GPHN: variants seen among roughly 807,000 people sequenced by gnomAD.
GPHN encodes gephyrin.
A neutral mutation model predicts 95.5 loss-of-function variants in GPHN; 17 were observed. The observed-to-expected ratio is 0.18, with a 90% CI of 0.12 to 0.27. GPHN has a LOEUF of 0.27. Among genes scored for constraint, GPHN ranks in the 10% least tolerant of loss-of-function variants. GPHN has a pLI of 1.00. For synonymous variants in GPHN, 320 were observed against 322.5 expected (o/e 0.99, Z 0.08); for missense variants, 660 against 978.1 (o/e 0.67, Z 4.34).
At chr14:67,153,609 T>C (rs745517636) in intron 18 of GPHN, among the ~76,000 whole-genome samples, 4 of 152,196 alleles carry the variant, frequency 2.6e-5, no homozygotes, top group Non-Finnish European at 5.9e-5. Context: ...GTCCATTGCA[T>C]TTACTCTCAG....
chr14:67,207,157 T>C, the GPHN span, among the ~76,000 whole-genome samples: 1 of 152,138 alleles, frequency 6.6e-6, no homozygotes, highest in Non-Finnish European at 1.5e-5. Flanking sequence ...CATTGTTGCA[T>C]TGCTATAAAG....
chr14:67,302,104 C>G, the GPHN span: 4 of 1,601,038 alleles, frequency 2.5e-6, no homozygotes, highest in Non-Finnish European at 3.4e-6. Flanking sequence ...AGAAAAGGCT[C>G]GTGATATTCC....
intron 1 of GPHN, among the ~76,000 whole-genome samples, chr14:66,602,582 C>T (rs2062306348): frequency 6.6e-6 from 1 of 151,884 alleles, no homozygotes; most frequent in Non-Finnish European, 1.5e-5. Flanking sequence ...TCATCAGTTA[C>T]TTAGATCTTC....
the GPHN span, among the ~76,000 whole-genome samples, chr14:67,542,530 T>C: frequency 6.6e-6 from 1 of 152,106 alleles, no homozygotes; most frequent in African/African-American, 2.4e-5. Flanking sequence ...CTAAGAGTTA[T>C]TTTGAGAATT....
At chr14:67,070,341 A>G (rs1053586321) in intron 11 of GPHN, among the ~76,000 whole-genome samples, 17 of 148,438 alleles carry the variant, frequency 1.1e-4, no homozygotes, top group African/African-American at 4.2e-4. Flanking sequence ...ATATATATAT[A>G]TATACACACA....
At chr14:66,759,096 G>C (rs979062356) in intron 2 of GPHN, among the ~76,000 whole-genome samples, 25 of 152,220 alleles carry the variant, frequency 1.6e-4, no homozygotes, top group African/African-American at 5.5e-4. Context: ...TATTTTTCAC[G>C]TAGGCTTTTA....
At chr14:67,506,754 G>A in the GPHN span, among the ~76,000 whole-genome samples, 31 of 152,240 alleles carry the variant, frequency 2.0e-4, no homozygotes, top group Non-Finnish European at 3.7e-4. Flanking sequence ...GGGAGGCCAA[G>A]GCAGGCAGAT....
At chr14:66,728,246 G>T (rs1336442675) in intron 2 of GPHN, among the ~76,000 whole-genome samples, 3 of 152,088 alleles carry the variant, frequency 2.0e-5, no homozygotes, top group Admixed American at 6.6e-5. Flanking sequence ...TGCTGCAGGG[G>T]TGGGGCTCTC....
chr14:67,660,059 G>A, the GPHN span: 2 of 894,902 alleles, frequency 2.2e-6, no homozygotes, highest in Admixed American at 3.0e-5. Flanking sequence ...CATGAGGCAG[G>A]GACCATGTCT....
chr14:66,729,557 A>G (rs1024396556), intron 2 of GPHN, among the ~76,000 whole-genome samples: 1 of 152,184 alleles, frequency 6.6e-6, no homozygotes, highest in African/African-American at 2.4e-5. Flanking sequence ...GAAATTTGAG[A>G]TCTTTCTTGG....
intron 17 of GPHN, among the ~76,000 whole-genome samples, chr14:67,134,953 CTTTTTTTTTTTTTTTT>C (rs57933607): frequency 2.2e-5 from 1 of 45,252 alleles, no homozygotes; most frequent in African/African-American, 1.0e-4. Context: ...TTTCTTTCTT[CTTTTTTTTTTTTTTTT>C]TTTTTTTTTT....
At chr14:66,991,071 T>A (rs1313664638) in intron 9 of GPHN, among the ~76,000 whole-genome samples, 1 of 152,070 alleles carries the variant, frequency 6.6e-6, no homozygotes, top group Non-Finnish European at 1.5e-5. Flanking sequence ...TACAATGTTT[T>A]GAATAATGTT....
chr14:66,574,894 C>T (rs1002563705), intron 1 of GPHN, among the ~76,000 whole-genome samples: 7 of 152,180 alleles, frequency 4.6e-5, no homozygotes, highest in African/African-American at 1.7e-4. Context: ...CACCCCTCCC[C>T]TGTCCTATGT....
chr14:66,993,394 T>G (rs1388617276), intron 9 of GPHN, among the ~76,000 whole-genome samples: 2 of 152,202 alleles, frequency 1.3e-5, no homozygotes, highest in Non-Finnish European at 2.9e-5. Context: ...ATTATTGCTG[T>G]CTTAAATGTT....
intron 8 of GPHN, among the ~76,000 whole-genome samples, chr14:66,931,252 T>C (rs2153566354): frequency 6.6e-6 from 1 of 152,320 alleles, no homozygotes; most frequent in African/African-American, 2.4e-5. Context: ...TATCTGTTAT[T>C]TTTCTCTTGA....
chr14:66,984,495 G>A (rs2070887577), intron 9 of GPHN, among the ~76,000 whole-genome samples: 1 of 152,156 alleles, frequency 6.6e-6, no homozygotes, highest in Non-Finnish European at 1.5e-5. Flanking sequence ...AAAAGTTGAT[G>A]CAACTCTTAT....
chr14:67,551,884 A>AG, the GPHN span, among the ~76,000 whole-genome samples: 2 of 152,132 alleles, frequency 1.3e-5, no homozygotes, highest in African/African-American at 4.8e-5. Context: ...TAAAAAAAAA[A>AG]AAGAATGTTG....
At chr14:66,560,329 G>A (rs1294030377) in intron 1 of GPHN, among the ~76,000 whole-genome samples, 1 of 152,136 alleles carries the variant, frequency 6.6e-6, no homozygotes, top group Non-Finnish European at 1.5e-5. Flanking sequence ...ATTACCTTGG[G>A]CAGTTTGGCC....
chr14:66,746,652 T>C (rs1260402860), intron 2 of GPHN, among the ~76,000 whole-genome samples: 1 of 151,600 alleles, frequency 6.6e-6, no homozygotes, highest in Non-Finnish European at 1.5e-5. Flanking sequence ...TACTTTCTAC[T>C]TCCCTTGGGG....
Sources: gnomAD v4.1 joint callset for allele counts (sites outside exome capture counted in the v4.1 genomes callset) on GRCh38, gnomAD v4.1.1 for gene constraint, MANE v1.5 for transcripts, NCBI Gene and HGNC (gene_info 2026-07-23, HGNC 2026-07-21) for gene names.